Variants in NCEH1 observed in about 807,000 individuals in gnomAD.
NCEH1 encodes the protein neutral cholesterol ester hydrolase 1, also known as 2-acetyl MAGE hydrolase.
NCEH1 carries 9 observed loss-of-function variants against 25.4 expected under a neutral mutation model. That is an observed-to-expected ratio of 0.35 (90% confidence interval 0.21 to 0.62). The LOEUF (loss-of-function observed/expected upper bound fraction) is 0.62. Ranked by LOEUF, NCEH1 falls within the 20% of genes least tolerant of loss-of-function variation. NCEH1 has a pLI of 0.72. For missense variants in NCEH1, 412 were observed against 501.1 expected, an observed-to-expected ratio of 0.82 and a Z score of 1.70; for synonymous variants, 200 against 199.8, an observed-to-expected ratio of 1.00 and a Z score of -0.01.
intron 1 of NCEH1, among the ~76,000 whole-genome samples, chr3:172,661,795 A>AT (rs199497616): frequency 6.6e-6 from 1 of 151,840 alleles, no homozygotes; most frequent in South Asian, 2.1e-4. Context: ...GTGTATAGGA[A>AT]TGCTTGTGAT....
At chr3:172,698,492 T>C (rs1366979224) in intron 1 of NCEH1, among the ~76,000 whole-genome samples, 1 of 152,184 alleles carries the variant, frequency 6.6e-6, no homozygotes. Context: ...TTTCAAAGTT[T>C]TCAAAGAAAG....
chr3:172,675,334 TA>T (rs1291933691), intron 1 of NCEH1, among the ~76,000 whole-genome samples: 2 of 151,408 alleles, frequency 1.3e-5, no homozygotes, highest in Admixed American at 6.6e-5. Context: ...AATAAATAAA[TA>T]AATAAATGAT....
At position 172,636,082 on chromosome 3, in the gene NCEH1, C is replaced by T; in HGVS notation, c.443G>A (p.Arg148Lys). Residue 148 changes from arginine to lysine, a missense_variant, in exon 4 of 5, where the codon AGG (arginine) becomes AAG (lysine). Transcript: ENST00000475381. The stretch of plus-strand genomic sequence containing the variant: ...AGGAAAATAAACCTTTGGAACTAGC[C>T]TGTATCTGTAAAAACAAAAGTTGTA... ...LNAVIVSIEY[R>K]LVPKVYFPEQ... 1 of 1,611,500 alleles carries T rather than the reference C, an allele frequency of 6.2e-7. No individual in the cohort carries two copies. The highest frequency in any genetic ancestry group is 8.5e-7 in the Non-Finnish European group (1 of 1,178,340).
At chr3:172,694,814 C>T (rs1055866654) in intron 1 of NCEH1, among the ~76,000 whole-genome samples, 22 of 152,218 alleles carry the variant, frequency 1.4e-4, no homozygotes, top group African/African-American at 5.3e-4. Flanking sequence ...GAGGCTCCAC[C>T]TCTTCTTGGC....
intron 1 of NCEH1, 91 bp from the exon 2 acceptor site, chr3:172,648,205 A>C: frequency 6.9e-7 from 1 of 1,449,622 alleles, no homozygotes. Context: ...CTGAATTCCT[A>C]CAAGCAGCTG....
intron 1 of NCEH1, among the ~76,000 whole-genome samples, chr3:172,666,724 T>C (rs1399645197): frequency 6.6e-6 from 1 of 152,188 alleles, no homozygotes; most frequent in Non-Finnish European, 1.5e-5. Context: ...TGTCCTTTAA[T>C]CTCAAGGCTG....
chr3:172,689,221 A>G (rs149943919), intron 1 of NCEH1, among the ~76,000 whole-genome samples: 1 of 149,536 alleles, frequency 6.7e-6, no homozygotes, highest in African/African-American at 2.5e-5. Flanking sequence ...ACCGATATTC[A>G]CATGTACCTC....
At chr3:172,708,994 A>C (rs146313465) in intron 1 of NCEH1, among the ~76,000 whole-genome samples, 2 of 152,326 alleles carry the variant, frequency 1.3e-5, no homozygotes, top group East Asian at 3.9e-4. Context: ...TTAGAGGAGA[A>C]GTGATAAGAG....
intron 1 of NCEH1, among the ~76,000 whole-genome samples, chr3:172,684,755 C>T (rs914184605): frequency 4.6e-5 from 7 of 151,376 alleles, no homozygotes; most frequent in Non-Finnish European, 8.9e-5. Context: ...CAGAGGCGGG[C>T]GGATCACTTA....
intron 1 of NCEH1, among the ~76,000 whole-genome samples, chr3:172,675,114 A>T (rs1050563760): frequency 4.6e-5 from 7 of 152,274 alleles, no homozygotes; most frequent in African/African-American, 1.4e-4. Flanking sequence ...GTTCGAGACC[A>T]GCCTGGCCAA....
intron 1 of NCEH1, among the ~76,000 whole-genome samples, chr3:172,679,612 C>A (rs1053582780): frequency 1.3e-5 from 2 of 151,396 alleles, no homozygotes; most frequent in Non-Finnish European, 2.9e-5. Context: ...TTATTTTAGC[C>A]AGATAGTAAG....
At chr3:172,658,971 C>T (rs1027924822) in intron 1 of NCEH1, among the ~76,000 whole-genome samples, 4 of 149,530 alleles carry the variant, frequency 2.7e-5, no homozygotes, top group African/African-American at 4.9e-5. Flanking sequence ...CAGTAGCTCA[C>T]GTGTGCTGAC....
chr3:172,668,925 G>A (rs9846325), intron 1 of NCEH1, among the ~76,000 whole-genome samples: 21,318 of 151,964 alleles, frequency 0.14, 1,675 homozygotes, highest in East Asian at 0.2. Flanking sequence ...TGAATGGGCT[G>A]GCTAAAAACA....
chr3:172,677,855 G>A (rs918689468), intron 1 of NCEH1, among the ~76,000 whole-genome samples: 1 of 152,240 alleles, frequency 6.6e-6, no homozygotes, highest in South Asian at 2.1e-4. Context: ...GTGAACCCGG[G>A]AGGCGGAGCC....
At position 172,711,040 on chromosome 3, in the gene NCEH1, C is replaced by T; in HGVS notation, c.-56G>A. 1 of 1,611,530 alleles carries T rather than the reference C, an allele frequency of 6.2e-7. No homozygotes were observed. The highest frequency in any genetic ancestry group is 8.5e-7 in the Non-Finnish European group (1 of 1,178,258). On this transcript the variant is annotated 5_prime_UTR_variant, in exon 1 of 5. Coordinates refer to ENST00000475381, the MANE Select transcript of NCEH1 (RefSeq NM_020792.6). ...GCAAAGAGGAAAGGGCGATACCACCCGGAGACCTCCGGCAACTTTCTGCCC... is the reference window on the plus strand; with the variant it reads ...GCAAAGAGGAAAGGGCGATACCACCTGGAGACCTCCGGCAACTTTCTGCCC...
intron 4 of NCEH1, among the ~76,000 whole-genome samples, chr3:172,634,655 G>C (rs1351291634): frequency 6.6e-6 from 1 of 152,158 alleles, no homozygotes; most frequent in Non-Finnish European, 1.5e-5. Flanking sequence ...ATGCCAGAGT[G>C]AAGTTGTCAT....
intron 1 of NCEH1, among the ~76,000 whole-genome samples, chr3:172,659,104 C>A (rs1345688587): frequency 6.6e-6 from 1 of 152,012 alleles, no homozygotes; most frequent in Non-Finnish European, 1.5e-5. Context: ...AGCATTCTGG[C>A]TCCAAAACCC....
rs1313196977 is a variant in NCEH1 at position 172,632,278 on chromosome 3, T to A, written c.*1197A>T. 1 of 152,256 alleles carries A rather than the reference T, an allele frequency of 6.6e-6. No individual in the cohort carries two copies. The highest frequency in any genetic ancestry group is 1.5e-5 in the Non-Finnish European group (1 of 68,044). 9.4% of individuals were successfully genotyped at this position (152,256 alleles called of 1,614,324 possible). A position where few individuals can be genotyped will look rare whatever the true frequency, so the allele number is the denominator to read the frequency against. ...TATAGTAGTATTAATAGCTGTTATATCATTTCCACAAAATTACACGTGGTT... is the reference window on the plus strand; with the variant it reads ...TATAGTAGTATTAATAGCTGTTATAACATTTCCACAAAATTACACGTGGTT... On this transcript the variant is annotated 3_prime_UTR_variant, in exon 5 of 5. Coordinates refer to ENST00000475381, the MANE Select transcript of NCEH1 (RefSeq NM_020792.6).
intron 1 of NCEH1, among the ~76,000 whole-genome samples, chr3:172,685,119 C>T (rs1411631390): frequency 1.3e-5 from 2 of 152,046 alleles, no homozygotes; most frequent in African/African-American, 2.4e-5. Context: ...TGGTAAAACC[C>T]CATCTCTACT....
Sources: gnomAD v4.1 joint callset for allele counts (sites outside exome capture counted in the v4.1 genomes callset) on GRCh38, gnomAD v4.1.1 for gene constraint, MANE v1.5 for transcripts, NCBI Gene and HGNC (gene_info 2026-07-23, HGNC 2026-07-21) for gene names.